Variants in GXYLT2 observed in about 807,000 individuals in gnomAD.
The protein encoded by GXYLT2 is glucoside xylosyltransferase 2, also known as glycosyltransferase 8 domain containing 4.
Under a neutral mutation model 45.8 loss-of-function variants are expected in GXYLT2, and 53 were observed. That is an observed-to-expected ratio of 1.16 (90% confidence interval 0.93 to 1.46). GXYLT2 has a LOEUF of 1.46. Among genes scored for constraint, GXYLT2 ranks in the 40% most tolerant of loss-of-function variants. The pLI is 0.00. For synonymous variants in GXYLT2, 219 were observed against 214.2 expected, an observed-to-expected ratio of 1.02 and a Z score of -0.19; for missense variants, 551 against 544.4, an observed-to-expected ratio of 1.01 and a Z score of -0.12.
chr3:72,929,147 C>T, intron 3 of GXYLT2: 1 of 1,588,130 alleles, frequency 6.3e-7, no homozygotes, highest in Non-Finnish European at 8.5e-7. Flanking sequence ...CTACGTTTAC[C>T]TGTCCATGTC....
At chr3:72,928,056 G>T (rs553136162) in intron 3 of GXYLT2, among the ~76,000 whole-genome samples, 1 of 152,244 alleles carries the variant, frequency 6.6e-6, no homozygotes, top group Non-Finnish European at 1.5e-5. Context: ...CCCTTGCAAG[G>T]CTACTCCATA....
intron 3 of GXYLT2, among the ~76,000 whole-genome samples, chr3:72,942,588 A>G (rs772360727): frequency 5.9e-5 from 9 of 152,172 alleles, no homozygotes; most frequent in Non-Finnish European, 1.3e-4. Flanking sequence ...ATCAAGACTG[A>G]TATCACTTGG....
intron 3 of GXYLT2, among the ~76,000 whole-genome samples, chr3:72,939,109 C>T (rs1710247073): frequency 6.6e-6 from 1 of 152,140 alleles, no homozygotes; most frequent in Non-Finnish European, 1.5e-5. Flanking sequence ...TGTGCCACCC[C>T]ATTTTAAGGT....
At chr3:72,909,425 A>G (rs1336857024) in intron 2 of GXYLT2, among the ~76,000 whole-genome samples, 3 of 152,006 alleles carry the variant, frequency 2.0e-5, no homozygotes, top group Admixed American at 6.6e-5. Context: ...ATAGACATGC[A>G]TATGTATAAT....
chr3:72,909,761 T>C (rs1375777423), intron 2 of GXYLT2, among the ~76,000 whole-genome samples: 1 of 152,206 alleles, frequency 6.6e-6, no homozygotes, highest in Non-Finnish European at 1.5e-5. Flanking sequence ...TTTGTTTTCC[T>C]TGAGAGTTTT....
chr3:72,895,656 G>T (rs1002327324), intron 1 of GXYLT2, among the ~76,000 whole-genome samples: 2 of 152,116 alleles, frequency 1.3e-5, no homozygotes, highest in Non-Finnish European at 2.9e-5. Flanking sequence ...ATAATAAAAA[G>T]AAAAGAGACT....
intron 5 of GXYLT2, among the ~76,000 whole-genome samples, chr3:72,958,577 C>T (rs1304555356): frequency 6.6e-6 from 1 of 151,094 alleles, no homozygotes; most frequent in Non-Finnish European, 1.5e-5. Flanking sequence ...GGAAAGATTC[C>T]CAATACCAAT....
intron 1 of GXYLT2, among the ~76,000 whole-genome samples, chr3:72,889,187 G>C (rs1165242003): frequency 6.6e-6 from 1 of 152,138 alleles, no homozygotes; most frequent in Non-Finnish European, 1.5e-5. Flanking sequence ...ACACGCGGAG[G>C]CTTTTCATCA....
intron 1 of GXYLT2, among the ~76,000 whole-genome samples, chr3:72,890,110 C>T (rs1027509066): frequency 2.0e-5 from 3 of 152,024 alleles, no homozygotes; most frequent in African/African-American, 4.8e-5. Context: ...AGTAGAGAGA[C>T]GGGGTTTCAC....
rs1490180056 is a variant in GXYLT2 at position 72,908,500 on chromosome 3, AG to A, written c.411del (p.Lys138ArgfsTer12). The A allele has an allele frequency of 1.2e-6, 2 of 1,613,868 alleles. No homozygotes were observed. Among genetic ancestry groups the A allele is most frequent in the Non-Finnish European group, 1.7e-6 (2 of 1,179,898 alleles). On this transcript the variant is annotated frameshift_variant, in exon 2 of 7. Coordinates refer to ENST00000389617, the MANE Select transcript of GXYLT2 (RefSeq NM_001080393.2). LOFTEE classifies it high-confidence loss of function. ...CAAATCAGCTGTGCTTTTTAGCCAC[AG>A]GAAGATCCAATTCCACATCTTCACT... ...MLKSAVLFSHRKIQFHIFTED... is the reference protein window; with the variant it reads ...MLKSAVLFSHXKIQFHIFTED...
At chr3:72,897,382 G>C (rs1373485941) in intron 1 of GXYLT2, among the ~76,000 whole-genome samples, 1 of 152,112 alleles carries the variant, frequency 6.6e-6, no homozygotes, top group African/African-American at 2.4e-5. Context: ...AATAGGTCTG[G>C]GTGTGCAACC....
At position 72,905,413 on chromosome 3, in the gene GXYLT2, G is replaced by A. The variant is rs913147630; in HGVS notation, c.276-2954G>A. Among the ~76,000 whole-genome samples, 8 of 152,294 alleles carry A rather than the reference G, an allele frequency of 5.3e-5. No homozygotes were observed. The South Asian group carries it at 1.7e-3, about 32-fold the overall frequency. On this transcript the variant is annotated intron_variant, in intron 1 of 6. Coordinates refer to ENST00000389617, the MANE Select transcript of GXYLT2 (RefSeq NM_001080393.2). ...TAGGCATGAGCCACCGCACTGGCCT[G>A]TTGTTTTTCATTCTCTTTGGCCTTA... is the stretch of plus-strand genomic sequence containing the variant.
At chr3:72,956,115 G>A (rs1220109464) in intron 4 of GXYLT2, among the ~76,000 whole-genome samples, 2 of 152,134 alleles carry the variant, frequency 1.3e-5, no homozygotes, top group Admixed American at 1.3e-4. Flanking sequence ...ATGGGGCATG[G>A]TGTCACGTGG....
chr3:72,974,956 T>A (rs758912606), intron 6 of GXYLT2, 21 bp from the exon 7 acceptor site: 2 of 1,430,838 alleles, frequency 1.4e-6, no homozygotes, highest in Non-Finnish European at 1.9e-6. Flanking sequence ...CTAAATAAAC[T>A]TTTTTTTTGT....
At chr3:72,964,860 G>T (rs1710836116) in intron 5 of GXYLT2, among the ~76,000 whole-genome samples, 1 of 152,224 alleles carries the variant, frequency 6.6e-6, no homozygotes. Flanking sequence ...CAATGTAAAT[G>T]CTTGGGTGAG....
At chr3:72,917,102 T>C (rs1709757183) in intron 2 of GXYLT2, among the ~76,000 whole-genome samples, 1 of 152,016 alleles carries the variant, frequency 6.6e-6, no homozygotes, top group Admixed American at 6.6e-5. Context: ...CAAGGATTTT[T>C]TTGTTTTTGT....
intron 6 of GXYLT2, among the ~76,000 whole-genome samples, chr3:72,972,685 A>C (rs1236180256): frequency 1.3e-5 from 2 of 149,028 alleles, no homozygotes; most frequent in Non-Finnish European, 3.0e-5. Flanking sequence ...TGGTGGGGGA[A>C]GCCAGACAAT....
chr3:72,919,791 G>C (rs988878239), intron 2 of GXYLT2, among the ~76,000 whole-genome samples: 9 of 152,178 alleles, frequency 5.9e-5, no homozygotes, highest in African/African-American at 2.2e-4. Context: ...GGGCAGGCAG[G>C]AATGTTGAAA....
chr3:72,939,692 T>TTG (rs1259525381), intron 3 of GXYLT2, among the ~76,000 whole-genome samples: 1 of 150,998 alleles, frequency 6.6e-6, no homozygotes, highest in Non-Finnish European at 1.5e-5. Context: ...TCCTTTTTTT[T>TTG]TTTTTTAAAC....
Sources: gnomAD v4.1 joint callset for allele counts (sites outside exome capture counted in the v4.1 genomes callset) on GRCh38, gnomAD v4.1.1 for gene constraint, MANE v1.5 for transcripts, NCBI Gene and HGNC (gene_info 2026-07-23, HGNC 2026-07-21) for gene names.